The following SYCP2L variants were observed in gnomAD, a reference collection of about 807,000 sequenced individuals.
SYCP2L encodes synaptonemal complex protein 2 like.
A neutral mutation model predicts 125.8 loss-of-function variants in SYCP2L; 98 were observed. The ratio of observed to expected loss-of-function variants is 0.78; its 90% confidence interval spans 0.66 to 0.92. SYCP2L has a LOEUF of 0.92. SYCP2L is among the 40% of genes least tolerant of loss of function. The pLI is 0.00. For synonymous variants in SYCP2L, 317 were observed against 325.4 expected (o/e 0.97, Z 0.28); for missense variants, 842 against 936.4 (o/e 0.90, Z 1.32).
intron 6 of SYCP2L, among the ~76,000 whole-genome samples, chr6:10,900,343 TTTTTC>T (rs144561348): frequency 0.091 from 13,723 of 150,868 alleles, 827 homozygotes; most frequent in Non-Finnish European, 0.14. Context: ...GAGCTCTTTC[TTTTTC>T]TTTTCTTTTC....
At chr6:10,938,680 G>T (rs961811121) in intron 21 of SYCP2L, among the ~76,000 whole-genome samples, 16 of 152,176 alleles carry the variant, frequency 1.1e-4, no homozygotes, top group African/African-American at 3.9e-4. Context: ...AAAACTGTTA[G>T]AACTAATAAA....
chr6:10,964,801 G>T (rs1192275258), intron 29 of SYCP2L, among the ~76,000 whole-genome samples: 2 of 152,208 alleles, frequency 1.3e-5, no homozygotes, highest in Non-Finnish European at 2.9e-5. Flanking sequence ...GTGGTATGAA[G>T]TGTCAGCTTA....
intron 1 of SYCP2L, among the ~76,000 whole-genome samples, chr6:10,887,369 G>A (rs921769230): frequency 1.3e-5 from 2 of 152,212 alleles, no homozygotes; most frequent in African/African-American, 4.8e-5. Context: ...AGGGAAAGGG[G>A]AACCGGAGAA....
At chr6:10,895,365 A>G (rs1780239714) in intron 4 of SYCP2L, among the ~76,000 whole-genome samples, 1 of 152,192 alleles carries the variant, frequency 6.6e-6, no homozygotes, top group Non-Finnish European at 1.5e-5. Context: ...TCCTGACGCA[A>G]GTCCTGCCCC....
chr6:10,942,399 G>A, intron 21 of SYCP2L, 60 bp from the exon 22 acceptor site: 2 of 1,088,790 alleles, frequency 1.8e-6, no homozygotes, highest in East Asian at 2.5e-5. Flanking sequence ...GAATGATAGT[G>A]AATTCTTATT....
intron 19 of SYCP2L, 24 bp downstream of exon 19, chr6:10,930,538 G>C: frequency 2.5e-6 from 4 of 1,597,664 alleles, no homozygotes; most frequent in South Asian, 1.1e-5. Context: ...GTCTTCTTTT[G>C]AATCACTTTT....
intron 17 of SYCP2L, among the ~76,000 whole-genome samples, chr6:10,927,907 TG>T (rs1358424428): frequency 1.5e-4 from 23 of 152,182 alleles, no homozygotes; most frequent in African/African-American, 5.1e-4. Flanking sequence ...TTCTCAGGTA[TG>T]TTCCTTGCTG....
chr6:10,934,985 A>G, intron 20 of SYCP2L, 73 bp from the exon 21 acceptor site: 1 of 1,329,256 alleles, frequency 7.5e-7, no homozygotes, highest in Non-Finnish European at 1.0e-6. Context: ...TAATATTGAA[A>G]ATGTCTTACA....
chr6:10,947,067 G>A (rs1419818069), intron 23 of SYCP2L, among the ~76,000 whole-genome samples: 2 of 151,352 alleles, frequency 1.3e-5, no homozygotes, highest in South Asian at 2.1e-4. Context: ...ACAACTACCT[G>A]TTCACCAGTA....
chr6:10,906,511 T>C (rs1780493613), intron 9 of SYCP2L, among the ~76,000 whole-genome samples: 1 of 152,190 alleles, frequency 6.6e-6, no homozygotes, highest in Admixed American at 6.5e-5. Context: ...TTAGAATTGT[T>C]TGAAATTTAA....
At chr6:10,932,268 T>C (rs1159700073) in intron 20 of SYCP2L, among the ~76,000 whole-genome samples, 2 of 152,180 alleles carry the variant, frequency 1.3e-5, no homozygotes, top group East Asian at 3.8e-4. Context: ...CACTTATCCT[T>C]GTTTTATATC....
At chr6:10,969,483 C>A (rs1781733727) in intron 29 of SYCP2L, among the ~76,000 whole-genome samples, 1 of 151,552 alleles carries the variant, frequency 6.6e-6, no homozygotes, top group African/African-American at 2.4e-5. Context: ...GCCTCAGCCT[C>A]CCGAGTAGCT....
intron 10 of SYCP2L, among the ~76,000 whole-genome samples, chr6:10,908,506 G>A (rs942649282): frequency 2.6e-5 from 4 of 152,078 alleles, no homozygotes; most frequent in African/African-American, 7.2e-5. Flanking sequence ...CAAAAATAGC[G>A]TATGGCTTTG....
chr6:10,903,205 C>T (rs749576625), intron 8 of SYCP2L, among the ~76,000 whole-genome samples: 8 of 152,144 alleles, frequency 5.3e-5, no homozygotes, highest in Non-Finnish European at 1.0e-4. Context: ...GGGGCCAAGG[C>T]GGGCAGATCA....
Position 10,956,618 on chromosome 6 carries a change from G to T in SYCP2L, c.2163+376G>T, listed in dbSNP as rs1781506249. Among the ~76,000 whole-genome samples, 11 of 152,206 alleles carry T rather than the reference G, an allele frequency of 7.2e-5. No individual in the cohort carries two copies. The South Asian group carries it at 1.7e-3, about 23-fold the overall frequency. On this transcript the variant is annotated intron_variant, in intron 25 of 29. Transcript: ENST00000283141. ...GAATATGTTAATTTGCTTGATTGTG[G>T]TAATCATTAAAAAATCTTTTTTTAA...
intron 27 of SYCP2L, 35 bp downstream of exon 27, chr6:10,961,439 C>T (rs755711472): frequency 8.1e-5 from 131 of 1,613,028 alleles, no homozygotes; most frequent in South Asian, 4.4e-4. Context: ...TTTCTGACTT[C>T]GGATCTTTCC....
intron 23 of SYCP2L, among the ~76,000 whole-genome samples, chr6:10,945,068 A>C (rs1581838751): frequency 6.6e-6 from 1 of 152,076 alleles, no homozygotes; most frequent in East Asian, 1.9e-4. Flanking sequence ...TTAGAAGTAT[A>C]TTTGTTAATT....
chr6:10,889,784 A>G (rs1341200421), intron 1 of SYCP2L, among the ~76,000 whole-genome samples: 2 of 151,664 alleles, frequency 1.3e-5, no homozygotes, highest in Non-Finnish European at 2.9e-5. Context: ...CCCTGCCCGG[A>G]TAATTTTCTA....
At chr6:10,950,356 C>T (rs61075061) in intron 23 of SYCP2L, among the ~76,000 whole-genome samples, 10,851 of 152,092 alleles carry the variant, frequency 0.071, 620 homozygotes, top group African/African-American at 0.16. Context: ...TTGGCTGCTT[C>T]TCTAGTTTTT....
Sources: allele counts gnomAD v4.1 joint callset (sites outside exome capture counted in the v4.1 genomes callset), GRCh38; gene constraint gnomAD v4.1.1; transcripts MANE v1.5; gene names NCBI Gene and HGNC (gene_info 2026-07-23, HGNC 2026-07-21).